The following HJURP variants were observed in gnomAD, a reference collection of about 807,000 sequenced individuals.
HJURP encodes 14-3-3-associated AKT substrate.
A neutral mutation model predicts 72.0 loss-of-function variants in HJURP; 49 were observed. The observed-to-expected ratio is 0.68, with a 90% CI of 0.54 to 0.86. The LOEUF (loss-of-function observed/expected upper bound fraction) is 0.86, where lower values mean the gene tolerates loss of function less well. HJURP is among the 40% of genes least tolerant of loss of function. The pLI is 0.00. For synonymous variants in HJURP, 357 were observed against 347.1 expected (o/e 1.03, Z -0.32); for missense variants, 908 against 936.3 (o/e 0.97, Z 0.39).
rs757610839 is a variant in HJURP at position 233,852,651 on chromosome 2, C to T, written c.185-31G>A. On this transcript the variant is annotated intron_variant, in intron 2 of 8. Transcript: ENST00000411486. Reference sequence around the variant, plus strand: ...GAAAAGAAACAAAAATGACCATTTACATAATCCTGAACGCTGAACTTCTGC... The same window carrying T: ...GAAAAGAAACAAAAATGACCATTTATATAATCCTGAACGCTGAACTTCTGC... 4 of 1,521,748 alleles carry T rather than the reference C, an allele frequency of 2.6e-6. No homozygotes were observed. In the African/African-American group the frequency reaches 4.1e-5, roughly 16 times the overall value. 94.3% of individuals were successfully genotyped at this position (1,521,748 alleles called of 1,614,324 possible). A position where few individuals can be genotyped will look rare whatever the true frequency, so the allele number is the denominator to read the frequency against.
At chr2:233,845,985 C>T (rs896795348) in intron 5 of HJURP, 165 bp from the exon 6 acceptor site, 1 of 560,754 alleles carries the variant, frequency 1.8e-6, no homozygotes, top group Non-Finnish European at 3.2e-6. Context: ...TTTTCACTTC[C>T]TGCTATGTTA....
rs1419850698 is a variant in HJURP, at chr2:233,846,525, A to G, written c.403-705T>C. Among the ~76,000 whole-genome samples, 1 of 152,122 alleles carries G rather than the reference A, an allele frequency of 6.6e-6. No individual in the cohort carries two copies. The highest frequency in any genetic ancestry group is 1.5e-5 in the Non-Finnish European group (1 of 68,024). On this transcript the variant is annotated intron_variant, in intron 5 of 8. Coordinates refer to ENST00000411486, the MANE Select transcript of HJURP (RefSeq NM_018410.5). The surrounding 1 kb of genome is among the most constrained non-coding windows in gnomAD (Gnocchi z 4.3). ...CTCTCCTACCCCTCCCCTGCTAGAC[A>G]CTGGAAATAGAGGGCGTCACCCTCT... is the stretch of plus-strand genomic sequence containing the variant.
chr2:233,847,141 A>C (rs1479548025), intron 5 of HJURP, among the ~76,000 whole-genome samples: 1 of 152,174 alleles, frequency 6.6e-6, no homozygotes, highest in East Asian at 1.9e-4. Flanking sequence ...TTATCTGCAG[A>C]GTGAAAATCA....
intron 8 of HJURP, 117 bp downstream of exon 8, chr2:233,840,492 T>C (rs1705192192): frequency 2.9e-6 from 3 of 1,038,236 alleles, no homozygotes; most frequent in Non-Finnish European, 4.3e-6. Flanking sequence ...TGATCACGTA[T>C]GTAAGAATTC....
Position 233,841,561 on chromosome 2 carries a change from A to T in HJURP, c.1219T>A (p.Leu407Ile). ...NLDEENRFRT[L>I]KWLISPVKIV... ...TTTACAGGAGAAATTAACCATTTTA[A>T]TGTCCTAAATCTATTTTCCTCATCA... is the stretch of plus-strand genomic sequence containing the variant. The change falls in exon 8 of 9, where the codon TTA becomes ATA. Residue 407 changes from leucine (L) to isoleucine (I), a missense_variant. Leu to Ile is a conservative substitution (Grantham distance 5). Coordinates refer to ENST00000411486, the MANE Select transcript of HJURP (RefSeq NM_018410.5). 1 of 1,614,116 alleles carries T rather than the reference A, an allele frequency of 6.2e-7. No individual in the cohort carries two copies. The highest frequency in any genetic ancestry group is 8.5e-7 in the Non-Finnish European group (1 of 1,179,954).
At position 233,846,579 on chromosome 2, in the gene HJURP, G is replaced by T. The variant is rs571985668; in HGVS notation, c.403-759C>A. Among the ~76,000 whole-genome samples, 8 of 152,246 alleles carry T rather than the reference G, an allele frequency of 5.3e-5. No individual in the cohort carries two copies. Among genetic ancestry groups the T allele is most frequent in the African/African-American group, 1.9e-4 (8 of 41,540 alleles). Reference sequence around the variant, plus strand: ...CTCTGCTGAGTGGGGCTGGCACTTTGGTTCTTGACTCTTGGTACCACCCAC... The same window carrying T: ...CTCTGCTGAGTGGGGCTGGCACTTTTGTTCTTGACTCTTGGTACCACCCAC... On this transcript the variant is annotated intron_variant, in intron 5 of 8. Coordinates refer to ENST00000411486, the MANE Select transcript of HJURP (RefSeq NM_018410.5). The surrounding 1 kb of genome is among the most constrained non-coding windows in gnomAD (Gnocchi z 4.3).
rs1023734613 is a variant in HJURP at position 233,846,953 on chromosome 2, T to G, written c.402+444A>C. 1.3e-5 allele frequency among the ~76,000 whole-genome samples: 2 copies of G among 152,186 alleles called. No individual in the cohort carries two copies. The highest frequency in any genetic ancestry group is 1.3e-4 in the Admixed American group (2 of 15,282). ...AGATGACACTTACTGTTTGGGTTAG[T>G]GACGGCTGCCCAATGAGGCGACCTT... On this transcript the variant is annotated intron_variant, in intron 5 of 8. Coordinates refer to ENST00000411486, the MANE Select transcript of HJURP (RefSeq NM_018410.5). The surrounding 1 kb of genome is among the most constrained non-coding windows in gnomAD (Gnocchi z 4.3).
intron 3 of HJURP, among the ~76,000 whole-genome samples, chr2:233,850,391 G>A (rs972064747): frequency 2.0e-5 from 3 of 152,156 alleles, no homozygotes; most frequent in African/African-American, 2.4e-5. Flanking sequence ...AGAGGTGGTC[G>A]GGCGGCCACA....
chr2:233,849,739 TTC>T (rs1405725848), intron 4 of HJURP, 22 bp downstream of exon 4: 1 of 1,493,794 alleles, frequency 6.7e-7, no homozygotes, highest in Non-Finnish European at 9.1e-7. Context: ...CTGACTTCAG[TTC>T]TCTGACGAAG....
intron 8 of HJURP, among the ~76,000 whole-genome samples, chr2:233,838,472 G>C (rs1385476970): frequency 1.3e-5 from 2 of 152,212 alleles, no homozygotes; most frequent in Non-Finnish European, 2.9e-5. Context: ...GTCACTCATG[G>C]AAAGGGGTCT....
intron 8 of HJURP, among the ~76,000 whole-genome samples, chr2:233,839,280 G>A (rs1413505991): frequency 6.6e-6 from 1 of 152,232 alleles, no homozygotes; most frequent in Non-Finnish European, 1.5e-5. Context: ...CACCCACCAT[G>A]TGCAGCCCCT....
rs1705289752 is a variant in HJURP at position 233,843,810 on chromosome 2, A to AT, written c.574+394dup. Among the ~76,000 whole-genome samples, 3 of 152,220 alleles carry AT rather than the reference A, an allele frequency of 2.0e-5. No individual in the cohort carries two copies. The South Asian group carries it at 6.2e-4, about 32-fold the overall frequency. ...GGAGAATTAGCCGATTTTTGGAGGT[A>AT]TGTGTGAGGCATTTAGGGATAAATG... On this transcript the variant is annotated intron_variant, in intron 7 of 8. Coordinates refer to ENST00000411486, the MANE Select transcript of HJURP (RefSeq NM_018410.5).
chr2:233,849,788 G>A lies in HJURP; in HGVS notation c.312C>T (p.Pro104=), dbSNP rs941037602. The change falls in exon 4 of 9, where the codon CCC becomes CCT. Residue 104 remains proline, a synonymous_variant. Coordinates refer to ENST00000411486, the MANE Select transcript of HJURP (RefSeq NM_018410.5). ...CGGCTCCCAGGACTGTGCGGTGCGA[G>A]GGAAGCTCAGGACCCCAGGCTGCAG... ...VQAAAWGPEL[P]SHRTVLGADS... is the part of the protein sequence containing the mutation. 1.3e-6 allele frequency: 2 copies of A among 1,554,114 alleles called. No individual in the cohort carries two copies. The highest frequency in any genetic ancestry group is 1.9e-5 in the Admixed American group (1 of 51,518).
At position 233,847,449 on chromosome 2, in the gene HJURP, C is replaced by T. The variant is rs760722970; in HGVS notation, c.350G>A (p.Gly117Asp). Residue 117 changes from glycine to aspartate, a missense_variant, in exon 5 of 9, where the codon GGT (glycine) becomes GAT (aspartate). Around this residue, in one of 3 missense-constraint regions of HJURP, gnomAD observed 299 missense variants for 286.7 expected, o/e 1.04. Transcript: ENST00000411486. ...RTVLGADSKS[G>D]EVDATSDQEE... ...CTGGTCTGACGTGGCATCGACCTCA[C>T]CGCTTTTTGAATCTAAAAGTCAAAC... The T allele has an allele frequency of 6.8e-6, 11 of 1,613,928 alleles. No homozygotes were observed. The Admixed American group carries it at 8.3e-5, about 12-fold the overall frequency.
intron 3 of HJURP, among the ~76,000 whole-genome samples, chr2:233,851,274 A>G (rs981567798): frequency 6.6e-6 from 1 of 152,238 alleles, no homozygotes; most frequent in Admixed American, 6.5e-5. Flanking sequence ...AAGGGGGACT[A>G]TCAGTATTGG....
rs780997522 is a variant in HJURP at position 233,854,509 on chromosome 2, G to A, written c.-9C>T. The A allele has an allele frequency of 1.2e-6, 2 of 1,600,164 alleles. No individual in the cohort carries two copies. Among genetic ancestry groups the A allele is most frequent in the Non-Finnish European group, 1.7e-6 (2 of 1,171,826 alleles). Reference sequence around the variant, plus strand: ...CGCAGCGTACCCAGCATCGGACCCAGCCAGTACCCAAGCGCCAACCCGGAC... The same window carrying A: ...CGCAGCGTACCCAGCATCGGACCCAACCAGTACCCAAGCGCCAACCCGGAC... On this transcript the variant is annotated 5_prime_UTR_variant, in exon 1 of 9. Coordinates refer to ENST00000411486, the MANE Select transcript of HJURP (RefSeq NM_018410.5).
intron 5 of HJURP, 142 bp downstream of exon 5, chr2:233,847,255 G>A: frequency 1.5e-6 from 1 of 669,020 alleles, no homozygotes; most frequent in Middle Eastern, 3.0e-4. Context: ...TCCGAGACTT[G>A]GAAGTAGCAA....
chr2:233,837,343 C>A lies in HJURP; in HGVS notation c.*234G>T, dbSNP rs13415293. ...AACCCCCCCCCAAAAAAAACACACA[C>A]ATCAGAAAAACAGGCCTATCAAAGA... On this transcript the variant is annotated 3_prime_UTR_variant, in exon 9 of 9. Transcript: ENST00000411486. 1.7e-5 allele frequency: 6 copies of A among 343,460 alleles called. No homozygotes were observed. Among genetic ancestry groups the A allele is most frequent in the South Asian group, 9.6e-5 (2 of 20,784 alleles). The allele number at this position is 343,460 out of a possible 1,614,324, so 21.3% of individuals were successfully genotyped here. A position where few individuals can be genotyped will look rare whatever the true frequency, so the allele number is the denominator to read the frequency against.
rs17862902 is a variant in HJURP, at chr2:233,847,593, T to C, written c.338-132A>G. 2.8e-3 allele frequency: 2,107 copies of C among 765,462 alleles called. 10 individuals carry two copies. The highest frequency in any genetic ancestry group is 3.3e-3 in the Non-Finnish European group (1,456 of 442,520). 47.4% of individuals were successfully genotyped at this position (765,462 alleles called of 1,614,324 possible). A position where few individuals can be genotyped will look rare whatever the true frequency, so the allele number is the denominator to read the frequency against. On this transcript the variant is annotated intron_variant, in intron 4 of 8. Coordinates refer to ENST00000411486, the MANE Select transcript of HJURP (RefSeq NM_018410.5). ...CCCATTGCTTCAAGGGTGCACCCAC[T>C]GGAGCCATCTACGGCTGCCCGTGGT...
Sources: allele counts gnomAD v4.1 joint callset (sites outside exome capture counted in the v4.1 genomes callset), GRCh38; gene constraint gnomAD v4.1.1; regional missense constraint gnomAD v4.1.1; non-coding constraint Gnocchi (gnomAD v3.1); transcripts MANE v1.5; gene names NCBI Gene and HGNC (gene_info 2026-07-23, HGNC 2026-07-21).